The following SLC22A25 variants were observed in gnomAD, a reference collection of about 807,000 sequenced individuals.
SLC22A25 encodes solute carrier family 22 member 25.
A neutral mutation model predicts 45.9 loss-of-function variants in SLC22A25; 44 were observed. That is an observed-to-expected ratio of 0.96 (90% CI 0.75 to 1.23). The LOEUF (loss-of-function observed/expected upper bound fraction) is 1.23. SLC22A25 is among the 50% of genes most tolerant of loss of function. The pLI is 0.00. For synonymous variants in SLC22A25, 283 were observed against 238.6 expected (o/e 1.19, Z -1.72); for missense variants, 800 against 666.4 (o/e 1.20, Z -2.21).
At chr11:63,178,437 A>G (rs2088195637) in intron 9 of SLC22A25, among the ~76,000 whole-genome samples, 1 of 150,964 alleles carries the variant, frequency 6.6e-6, no homozygotes, top group African/African-American at 2.4e-5. Flanking sequence ...TCCCACCAAC[A>G]GTGTGCAAAC....
At chr11:63,242,880 C>A (rs1388789787) in intron 1 of SLC22A25, among the ~76,000 whole-genome samples, 3 of 152,156 alleles carry the variant, frequency 2.0e-5, no homozygotes, top group Admixed American at 2.0e-4. Context: ...GGCAGGGAAG[C>A]TCTGCTCGCC....
chr11:63,166,183 C>A lies in SLC22A25; in HGVS notation c.1146G>T (p.Gln382His). ...GGAGGGTGACTGCACCAAAGAGAGTCTGCAACAGGAAAACATTGTTTCCCA... is the reference window on the plus strand; with the variant it reads ...GGAGGGTGACTGCACCAAAGAGAGTATGCAACAGGAAAACATTGTTTCCCA... ...QHLGNNVFLLQTLFGAVTLLA... is the reference protein window; with the variant it reads ...QHLGNNVFLLHTLFGAVTLLA... The change falls in exon 10 of 12, where the codon CAG becomes CAT. Residue 382 changes from glutamine (Q) to histidine (H), a missense_variant. Physicochemically the swap from Gln to His is conservative, Grantham distance 24. Transcript: ENST00000306494. The A allele has an allele frequency of 1.2e-6, 2 of 1,614,026 alleles. No individual in the cohort carries two copies. The highest frequency in any genetic ancestry group is 1.7e-6 in the Non-Finnish European group (2 of 1,179,960).
At chr11:63,218,004 G>C (rs1401939836) in intron 5 of SLC22A25, 2 of 600,388 alleles carry the variant, frequency 3.3e-6, no homozygotes, top group African/African-American at 1.8e-5. Context: ...AGACAGGCTG[G>C]GATGTTGAAA....
At position 63,230,962 on chromosome 11, in the gene SLC22A25, T is replaced by C. The variant is rs183893536; in HGVS notation, c.-444-866A>G. 2.6e-3 allele frequency among the ~76,000 whole-genome samples: 402 copies of C among 152,278 alleles called. 1 individual carries two copies. The highest frequency in any genetic ancestry group is 8.2e-3 in the African/African-American group (341 of 41,562). ...GATGGTTTCCAGCTTCATCCATGTC[T>C]CTACAAAGGACATGAACTCATCATT... On this transcript the variant is annotated intron_variant, in intron 3 of 11. Coordinates refer to ENST00000306494, the MANE Select transcript of SLC22A25 (RefSeq NM_199352.6).
At position 63,180,751 on chromosome 11, in the gene SLC22A25, C is replaced by G; in HGVS notation, c.979G>C (p.Glu327Gln). Residue 327 changes from glutamate to glutamine, a missense_variant, in exon 9 of 12, where the codon GAA becomes CAA. Glu to Gln is a conservative substitution (Grantham distance 29). Transcript: ENST00000306494. ...TGCTTTTTCTGTGCTGCCTCCAGTT[C>G]TTGCTTCATGGTGGATTTCAAAACC... ...MEVLKSTMKQ[E>Q]LEAAQKKHSL... 1.9e-6 allele frequency: 3 copies of G among 1,613,018 alleles called. No individual in the cohort carries two copies. The highest frequency in any genetic ancestry group is 2.5e-6 in the Non-Finnish European group (3 of 1,179,442).
chr11:63,202,553 G>A (rs1211550), intron 7 of SLC22A25, among the ~76,000 whole-genome samples: 75,233 of 152,080 alleles, frequency 0.49, 19,447 homozygotes, highest in Non-Finnish European at 0.57. Flanking sequence ...TGAATTGGGC[G>A]GAGCCCACCA....
intron 7 of SLC22A25, among the ~76,000 whole-genome samples, chr11:63,188,820 A>C (rs149486682): frequency 0.025 from 3,765 of 152,188 alleles, 103 homozygotes; most frequent in Non-Finnish European, 0.032. Flanking sequence ...AGTCATTCAA[A>C]AGCAGGTTGT....
At chr11:63,202,793 T>C (rs1249805895) in intron 7 of SLC22A25, among the ~76,000 whole-genome samples, 1 of 152,218 alleles carries the variant, frequency 6.6e-6, no homozygotes, top group Non-Finnish European at 1.5e-5. Flanking sequence ...CCGAGCACAG[T>C]GCTTGAGCTC....
At chr11:63,191,317 A>G (rs2088805840) in intron 7 of SLC22A25, among the ~76,000 whole-genome samples, 2 of 152,202 alleles carry the variant, frequency 1.3e-5, no homozygotes, top group African/African-American at 4.8e-5. Context: ...GCAATGAGTG[A>G]GGCTCTGTGG....
chr11:63,166,221 G>A lies in SLC22A25; in HGVS notation c.1108C>T (p.His370Tyr), dbSNP rs374886492. 1 of 1,613,960 alleles carries A rather than the reference G, an allele frequency of 6.2e-7. No homozygotes were observed. Among genetic ancestry groups the A allele is most frequent in the Non-Finnish European group, 8.5e-7 (1 of 1,179,924 alleles). The change falls in exon 10 of 12, where the codon CAC becomes TAC. Residue 370 changes from histidine to tyrosine, a missense_variant. By Grantham distance (83) the His-to-Tyr change is moderately conservative. Transcript: ENST00000306494. The part of the protein sequence containing the change: ...STIPFWGLTL[H>Y]LQHLGNNVFL... The stretch of plus-strand genomic sequence containing the variant: ...ACATTGTTTCCCAGATGCTGGAGGT[G>A]CAAAGTAAGGCCCCAAAAAGGGATG...
At chr11:63,223,298 A>G (rs370836499) in intron 5 of SLC22A25, among the ~76,000 whole-genome samples, 5 of 151,936 alleles carry the variant, frequency 3.3e-5, no homozygotes, top group African/African-American at 1.2e-4. Context: ...CTTCAATCTC[A>G]TTACTTGTTA....
chr11:63,197,821 C>G (rs2134770900), intron 7 of SLC22A25, among the ~76,000 whole-genome samples: 1 of 150,112 alleles, frequency 6.7e-6, no homozygotes, highest in Non-Finnish European at 1.5e-5. Context: ...TGGCAATCTA[C>G]TCATCTCACA....
rs1352759062 is a variant in SLC22A25, at chr11:63,239,074, C to A, written c.-934G>T. On this transcript the variant is annotated 5_prime_UTR_variant, in exon 2 of 12. An upstream open reading frame in the 5' UTR gains an earlier in-frame stop. Coordinates refer to ENST00000306494, the MANE Select transcript of SLC22A25 (RefSeq NM_199352.6). ...AAACCATCTGAAGGATCTGAAATCTCCCCAAGCCACCAACTTGATCCAAGA... is the reference window on the plus strand; with the variant it reads ...AAACCATCTGAAGGATCTGAAATCTACCCAAGCCACCAACTTGATCCAAGA... 1 of 176,522 alleles carries A rather than the reference C, an allele frequency of 5.7e-6. No homozygotes were observed. Among genetic ancestry groups the A allele is most frequent in the East Asian group, 1.3e-4 (1 of 7,706 alleles). The allele number at this position is 176,522 out of a possible 1,614,324, so 10.9% of individuals were successfully genotyped here.
At chr11:63,179,989 G>T (rs905475230) in intron 9 of SLC22A25, among the ~76,000 whole-genome samples, 1 of 152,170 alleles carries the variant, frequency 6.6e-6, no homozygotes, top group African/African-American at 2.4e-5. Context: ...TCATAGGCCA[G>T]GGTGTCCTCT....
chr11:63,175,137 A>G lies in SLC22A25; in HGVS notation c.1070+5523T>C, dbSNP rs777236380. 9.2e-5 allele frequency among the ~76,000 whole-genome samples: 14 copies of G among 152,232 alleles called. 1 individual carries two copies. The highest frequency in any genetic ancestry group is 1.3e-4 in the Non-Finnish European group (9 of 67,998). On this transcript the variant is annotated intron_variant, in intron 9 of 11. Coordinates refer to ENST00000306494, the MANE Select transcript of SLC22A25 (RefSeq NM_199352.6). ...CTGATTTCAATTGTTTCTTTGAAAA[A>G]CTGAGATCCTAGAAGTAGGATTGGT...
intron 8 of SLC22A25, among the ~76,000 whole-genome samples, chr11:63,181,276 T>G (rs2088309314): frequency 2.0e-5 from 3 of 151,978 alleles, no homozygotes; most frequent in African/African-American, 7.2e-5. Flanking sequence ...ACCCTTATGT[T>G]TTATTATTAT....
At position 63,238,818 on chromosome 11, in the gene SLC22A25, G is replaced by A. The variant is rs993361963; in HGVS notation, c.-678C>T. ...TCATATTGAGGAATGTCCCATTCAG[G>A]TGAAGGAGCTGCCACTGGGGATGGA... On this transcript the variant is annotated 5_prime_UTR_variant, in exon 2 of 12. Transcript: ENST00000306494. 1 of 251,900 alleles carries A rather than the reference G, an allele frequency of 4.0e-6. No homozygotes were observed. The highest frequency in any genetic ancestry group is 4.1e-5 in the Admixed American group (1 of 24,556). The allele number at this position is 251,900 out of a possible 1,614,324, so 15.6% of individuals were successfully genotyped here.
intron 7 of SLC22A25, among the ~76,000 whole-genome samples, chr11:63,207,747 C>A (rs1237454490): frequency 1.3e-5 from 2 of 152,120 alleles, no homozygotes; most frequent in Admixed American, 6.6e-5. Context: ...ATTGTGAAGA[C>A]CCTGTTTCTC....
At chr11:63,229,181 C>T in intron 4 of SLC22A25, 70 bp downstream of exon 4, 1 of 1,430,976 alleles carries the variant, frequency 7.0e-7, no homozygotes, top group East Asian at 2.3e-5. Flanking sequence ...AGGCTGGAAG[C>T]ACAATCATTT....
Sources: gnomAD v4.1 joint callset for allele counts (sites outside exome capture counted in the v4.1 genomes callset) on GRCh38, gnomAD v4.1.1 for gene constraint, MANE v1.5 for transcripts, NCBI Gene and HGNC (gene_info 2026-07-23, HGNC 2026-07-21) for gene names.